The following NACC2 variants were observed in gnomAD, a reference collection of about 807,000 sequenced individuals.
The protein encoded by NACC2 is NACC family member 2.
Under a neutral mutation model 25.1 loss-of-function variants are expected in NACC2, and 8 were observed. That is an observed-to-expected ratio of 0.32 (90% CI 0.19 to 0.57). The LOEUF is 0.57. NACC2 is among the 20% of genes least tolerant of loss of function. NACC2 has a pLI of 0.89. For missense variants in NACC2, 644 were observed against 650.2 expected, an observed-to-expected ratio of 0.99 and a Z score of 0.10; for synonymous variants, 435 against 294.7, an observed-to-expected ratio of 1.48 and a Z score of -4.88.
At chr9:136,083,774 C>T (rs1305829973) in intron 1 of NACC2, among the ~76,000 whole-genome samples, 2 of 152,246 alleles carry the variant, frequency 1.3e-5, no homozygotes, top group Admixed American at 1.3e-4. Context: ...CACCTCTCCA[C>T]CTGTTAGTGG....
chr9:136,051,983 A>G (rs1425832545), intron 1 of NACC2, among the ~76,000 whole-genome samples: 1 of 151,986 alleles, frequency 6.6e-6, no homozygotes, highest in Admixed American at 6.5e-5. Flanking sequence ...GCTCAGCTGC[A>G]CCCAGGCCGG....
chr9:136,042,301 A>C (rs2131155417), intron 2 of NACC2, among the ~76,000 whole-genome samples: 1 of 152,284 alleles, frequency 6.6e-6, no homozygotes, highest in South Asian at 2.1e-4. Context: ...AACAATTTTC[A>C]ATAAGAAAAT....
intron 2 of NACC2, among the ~76,000 whole-genome samples, chr9:136,021,736 T>C (rs1229795769): frequency 1.3e-5 from 2 of 152,194 alleles, no homozygotes; most frequent in Admixed American, 1.3e-4. Flanking sequence ...ATAAAGACAC[T>C]GTGAACCATC....
chr9:136,045,737 C>T (rs34763437), intron 2 of NACC2, among the ~76,000 whole-genome samples: 16,677 of 152,182 alleles, frequency 0.11, 1,194 homozygotes, highest in Non-Finnish European at 0.16. Flanking sequence ...CGGCCACCCC[C>T]ACTCAATGAA....
chr9:136,061,385 C>A (rs1348759505), intron 1 of NACC2, among the ~76,000 whole-genome samples: 1 of 152,160 alleles, frequency 6.6e-6, no homozygotes, highest in Non-Finnish European at 1.5e-5. Flanking sequence ...AGAGGGGTCC[C>A]CTCCCTCCAG....
intron 1 of NACC2, among the ~76,000 whole-genome samples, 169 bp downstream of exon 1, chr9:136,095,020 G>T (rs1830475055): frequency 6.9e-6 from 1 of 145,784 alleles, no homozygotes; most frequent in Non-Finnish European, 1.5e-5. Context: ...GCACGCCCGG[G>T]CCGGCGCGGA....
Position 136,055,930 on chromosome 9 carries a change from G to A in NACC2, c.-59-5350C>T, listed in dbSNP as rs1016062627. Among the ~76,000 whole-genome samples the A allele has an allele frequency of 1.4e-4, 22 of 152,216 alleles. No individual in the cohort carries two copies. Among genetic ancestry groups the A allele is most frequent in the African/African-American group, 4.8e-4 (20 of 41,452 alleles). On this transcript the variant is annotated intron_variant, in intron 1 of 5. Coordinates refer to ENST00000277554, the MANE Select transcript of NACC2 (RefSeq NM_144653.5). The surrounding 1 kb of genome is among the most constrained non-coding windows in gnomAD (Gnocchi z 4.9). Reference sequence around the variant, plus strand: ...ATGGGGCGGGCCTGCTGTGCCAGGTGCTCTGGAGTCAGCAGGAGCACAGGG... The same window carrying A: ...ATGGGGCGGGCCTGCTGTGCCAGGTACTCTGGAGTCAGCAGGAGCACAGGG...
intron 1 of NACC2, among the ~76,000 whole-genome samples, chr9:136,066,893 AT>A (rs1841090233): frequency 6.6e-6 from 1 of 152,080 alleles, no homozygotes; most frequent in Non-Finnish European, 1.5e-5. Flanking sequence ...AAGAGGGCAC[AT>A]ATTATGAGAT....
intron 1 of NACC2, among the ~76,000 whole-genome samples, chr9:136,090,881 C>T (rs1830427423): frequency 6.6e-6 from 1 of 152,076 alleles, no homozygotes; most frequent in Non-Finnish European, 1.5e-5. Flanking sequence ...TTGCCGTTCA[C>T]CCCAGTGACT....
In NACC2 at chr9:136,011,562, G is replaced by A. The variant is rs776493584; in HGVS notation, c.1718C>T (p.Ala573Val). 40 of 1,405,948 alleles carry A rather than the reference G, an allele frequency of 2.8e-5. No individual in the cohort carries two copies. The Admixed American group carries it at 8.6e-4, about 30-fold the overall frequency. 87.1% of individuals were successfully genotyped at this position (1,405,948 alleles called of 1,614,324 possible). Residue 573 changes from alanine to valine, a missense_variant, in exon 6 of 6, where the codon GCG becomes GTG. Transcript: ENST00000277554. Reference protein sequence around the residue: ...GGGPSRPQTPAAAARRPEGTY... With the variant: ...GGGPSRPQTPVAAARRPEGTY... The stretch of plus-strand genomic sequence containing the variant: ...GCCCTCCGGCCTCCGGGCCGCGGCC[G>A]CCGGCGTCTGGGGCCTGCTGGGGCC...
chr9:136,060,666 T>C (rs1840996592), intron 1 of NACC2, among the ~76,000 whole-genome samples: 1 of 152,140 alleles, frequency 6.6e-6, no homozygotes, highest in Admixed American at 6.5e-5. Flanking sequence ...CCCCGTCGGG[T>C]CTCAAAGGTG....
intron 2 of NACC2, among the ~76,000 whole-genome samples, chr9:136,042,866 A>G (rs1433670414): frequency 3.8e-5 from 5 of 131,836 alleles, no homozygotes; most frequent in African/African-American, 1.3e-4. Context: ...AGAGACACAG[A>G]GACAAACAGA....
At chr9:136,082,339 G>A (rs113153235) in intron 1 of NACC2, among the ~76,000 whole-genome samples, 178 of 152,350 alleles carry the variant, frequency 1.2e-3, no homozygotes, top group African/African-American at 2.5e-3. Context: ...GCTCTGCCCC[G>A]CCTGTGCCAC....
chr9:136,073,940 C>T (rs560293873), intron 1 of NACC2, among the ~76,000 whole-genome samples: 62 of 152,192 alleles, frequency 4.1e-4, no homozygotes, highest in African/African-American at 1.4e-3. Flanking sequence ...GAAAGCAGAC[C>T]CTGGCTCTCA....
At chr9:136,063,831 C>T (rs928827263) in intron 1 of NACC2, among the ~76,000 whole-genome samples, 1 of 147,094 alleles carries the variant, frequency 6.8e-6, no homozygotes, top group Non-Finnish European at 1.5e-5. Context: ...TGCAGTGAGC[C>T]GAGATCATAC....
At chr9:136,039,661 G>A (rs1840600523) in intron 2 of NACC2, among the ~76,000 whole-genome samples, 2 of 151,788 alleles carry the variant, frequency 1.3e-5, no homozygotes, top group Non-Finnish European at 2.9e-5. Context: ...GGAATGCAAG[G>A]GTGGTTCAAT....
intron 1 of NACC2, among the ~76,000 whole-genome samples, chr9:136,062,114 A>AGACAGGACAG (rs10597829): frequency 0.017 from 2,393 of 142,486 alleles, 34 homozygotes; most frequent in African/African-American, 0.029. Context: ...CAACAGAGCG[A>AGACAGGACAG]GACAGGACAG....
chr9:136,036,695 T>G (rs1840559508), intron 2 of NACC2, among the ~76,000 whole-genome samples: 1 of 152,100 alleles, frequency 6.6e-6, no homozygotes, highest in Non-Finnish European at 1.5e-5. Context: ...CCCTTGAGCA[T>G]GAAGAAACCA....
intron 1 of NACC2, among the ~76,000 whole-genome samples, chr9:136,073,942 T>A (rs1830227777): frequency 6.6e-6 from 1 of 152,186 alleles, no homozygotes; most frequent in Non-Finnish European, 1.5e-5. Flanking sequence ...AAGCAGACCC[T>A]GGCTCTCACC....
Sources: gnomAD v4.1 joint callset for allele counts (sites outside exome capture counted in the v4.1 genomes callset) on GRCh38, gnomAD v4.1.1 for gene constraint, Gnocchi (gnomAD v3.1) non-coding constraint, MANE v1.5 for transcripts, NCBI Gene and HGNC (gene_info 2026-07-23, HGNC 2026-07-21) for gene names.